LPP: variants seen among roughly 807,000 people sequenced by gnomAD.
LPP encodes the protein lipoma-preferred partner.
In LPP, 38 loss-of-function variants were observed where a neutral mutation model predicts 60.4. The observed-to-expected ratio is 0.63, with a 90% confidence interval of 0.49 to 0.83. The LOEUF (loss-of-function observed/expected upper bound fraction) is 0.83, where lower values mean the gene tolerates loss of function less well. LPP is among the 40% of genes least tolerant of loss of function. The pLI, the probability that LPP is intolerant of heterozygous loss-of-function variation, is 0.00. For missense variants in LPP, 902 were observed against 783.6 expected (o/e 1.15, Z -1.80); for synonymous variants, 328 against 290.8 (o/e 1.13, Z -1.30).
chr3:188,235,369 G>A (rs1317159137), intron 2 of LPP, among the ~76,000 whole-genome samples: 5 of 152,190 alleles, frequency 3.3e-5, no homozygotes, highest in Non-Finnish European at 7.4e-5. Flanking sequence ...TGTTTCAGGA[G>A]GTCGAAGTTC....
intron 1 of LPP, among the ~76,000 whole-genome samples, chr3:188,219,509 C>T (rs1714993939): frequency 6.6e-6 from 1 of 152,198 alleles, no homozygotes; most frequent in Non-Finnish European, 1.5e-5. Context: ...CCCAAGGGCG[C>T]ATTATTCCTG....
intron 2 of LPP, among the ~76,000 whole-genome samples, chr3:188,309,777 C>T (rs973557346): frequency 5.3e-5 from 8 of 152,030 alleles, no homozygotes; most frequent in South Asian, 2.1e-4. Flanking sequence ...GGGGAAAAAT[C>T]GGGATTCATT....
chr3:188,840,216 T>C (rs145968200), intron 9 of LPP, among the ~76,000 whole-genome samples: 206 of 152,286 alleles, frequency 1.4e-3, no homozygotes, highest in African/African-American at 4.8e-3. Flanking sequence ...CAGGGAGTAA[T>C]ATGTTCAGAT....
chr3:188,384,105 C>T (rs1431315024), intron 3 of LPP, among the ~76,000 whole-genome samples: 1 of 152,164 alleles, frequency 6.6e-6, no homozygotes, highest in Non-Finnish European at 1.5e-5. Context: ...AATTCTCATC[C>T]TCTCTGACCA....
chr3:188,806,222 T>G (rs897511500), intron 9 of LPP, among the ~76,000 whole-genome samples: 1 of 151,878 alleles, frequency 6.6e-6, no homozygotes, highest in African/African-American at 2.4e-5. Context: ...TTCACTTGTA[T>G]GGTTTTTGTT....
At chr3:188,497,943 CCT>C (rs1810722334) in intron 5 of LPP, among the ~76,000 whole-genome samples, 1 of 151,942 alleles carries the variant, frequency 6.6e-6, no homozygotes, top group Non-Finnish European at 1.5e-5. Flanking sequence ...TAAATGAGAC[CCT>C]CTCTCCTCCC....
At chr3:188,202,720 G>A (rs550350216) in intron 1 of LPP, among the ~76,000 whole-genome samples, 1 of 152,222 alleles carries the variant, frequency 6.6e-6, no homozygotes, top group African/African-American at 2.4e-5. Flanking sequence ...CCTTCTTTTT[G>A]GATGGGCTTT....
chr3:188,700,052 T>A (rs1864073890), intron 7 of LPP, among the ~76,000 whole-genome samples: 1 of 152,224 alleles, frequency 6.6e-6, no homozygotes, highest in South Asian at 2.1e-4. Context: ...TGTTTCTTTT[T>A]TTTCAAGAAC....
At chr3:188,397,240 T>C (rs1312174056) in intron 3 of LPP, among the ~76,000 whole-genome samples, 2 of 152,256 alleles carry the variant, frequency 1.3e-5, no homozygotes, top group African/African-American at 4.8e-5. Context: ...GCCTCTGATA[T>C]GTTCTAGCTG....
At chr3:188,366,022 C>T (rs921966430) in intron 3 of LPP, among the ~76,000 whole-genome samples, 1 of 152,186 alleles carries the variant, frequency 6.6e-6, no homozygotes, top group South Asian at 2.1e-4. Context: ...CTGGATCTCC[C>T]TTTGACCAAG....
chr3:188,457,506 A>C (rs559258208), intron 4 of LPP, among the ~76,000 whole-genome samples: 2 of 152,112 alleles, frequency 1.3e-5, no homozygotes, highest in South Asian at 4.2e-4. Flanking sequence ...GCTCTTCACT[A>C]TCATTGGTCT....
At chr3:188,701,944 C>CTTTTTTTTTTTTTTTTTTTTTTT (rs35803152) in intron 7 of LPP, among the ~76,000 whole-genome samples, 7 of 83,548 alleles carry the variant, frequency 8.4e-5, no homozygotes, top group Non-Finnish European at 1.2e-4. Flanking sequence ...GTTTTTTTCC[C>CTTTTTTTTTTTTTTTTTTTTTTT]TTTTTTTTTT....
chr3:188,679,348 G>A (rs1453592482), intron 7 of LPP, among the ~76,000 whole-genome samples: 2 of 151,662 alleles, frequency 1.3e-5, no homozygotes, highest in Admixed American at 1.3e-4. Context: ...ATTTGTTTTT[G>A]TTTTACTGTC....
At chr3:188,335,768 T>C (rs1761460341) in intron 2 of LPP, among the ~76,000 whole-genome samples, 1 of 152,204 alleles carries the variant, frequency 6.6e-6, no homozygotes, top group Non-Finnish European at 1.5e-5. Context: ...TACATTCCTT[T>C]GGTGGTGTCA....
intron 6 of LPP, among the ~76,000 whole-genome samples, chr3:188,525,119 A>G (rs956201589): frequency 6.6e-6 from 1 of 151,804 alleles, no homozygotes; most frequent in Non-Finnish European, 1.5e-5. Context: ...GGCGCCTGCC[A>G]CCACACCTGG....
intron 2 of LPP, among the ~76,000 whole-genome samples, chr3:188,228,174 A>G (rs1298648436): frequency 2.0e-5 from 3 of 152,210 alleles, no homozygotes; most frequent in Admixed American, 6.5e-5. Context: ...ATGGCCAACC[A>G]AGAAGTGTTA....
chr3:188,738,300 C>T (rs1009515073), intron 8 of LPP, among the ~76,000 whole-genome samples: 1 of 152,150 alleles, frequency 6.6e-6, no homozygotes, highest in Non-Finnish European at 1.5e-5. Flanking sequence ...ATGCTAGGTA[C>T]ATCCAAAGCT....
At chr3:188,592,719 T>G (rs999368968) in intron 6 of LPP, among the ~76,000 whole-genome samples, 2 of 151,768 alleles carry the variant, frequency 1.3e-5, no homozygotes, top group African/African-American at 2.4e-5. Flanking sequence ...TTTTTATATT[T>G]TTAGTAGAGA....
intron 7 of LPP, among the ~76,000 whole-genome samples, chr3:188,698,698 G>T (rs141387064): frequency 5.8e-4 from 89 of 152,286 alleles, no homozygotes; most frequent in African/African-American, 2.1e-3. Flanking sequence ...CTTGTCTGCC[G>T]AAGCCTAAGG....
Sources: gnomAD v4.1 joint callset for allele counts (sites outside exome capture counted in the v4.1 genomes callset) on GRCh38, gnomAD v4.1.1 for gene constraint, MANE v1.5 for transcripts, NCBI Gene and HGNC (gene_info 2026-07-23, HGNC 2026-07-21) for gene names.